Variants in CDC42BPA observed in about 807,000 individuals in gnomAD.
CDC42BPA encodes serine/threonine-protein kinase MRCK alpha.
A neutral mutation model predicts 223.5 loss-of-function variants in CDC42BPA; 80 were observed. The observed-to-expected ratio is 0.36, with a 90% CI of 0.30 to 0.43. The LOEUF (loss-of-function observed/expected upper bound fraction) is 0.43. Among genes scored for constraint, CDC42BPA ranks in the 20% least tolerant of loss-of-function variants. CDC42BPA has a pLI of 1.00. For synonymous variants in CDC42BPA, 694 were observed against 718.6 expected, an observed-to-expected ratio of 0.97 and a Z score of 0.55; for missense variants, 1,743 against 2,099.9, an observed-to-expected ratio of 0.83 and a Z score of 3.32.
intron 10 of CDC42BPA, among the ~76,000 whole-genome samples, chr1:227,135,043 C>A (rs113035642): frequency 6.6e-5 from 10 of 152,178 alleles, no homozygotes; most frequent in African/African-American, 2.4e-4. Context: ...GGAAGTGAGG[C>A]ATTCTGAGGT....
chr1:227,034,925 G>A (rs1669956882), intron 25 of CDC42BPA, 131 bp from the exon 26 acceptor site: 2 of 718,056 alleles, frequency 2.8e-6, no homozygotes, highest in African/African-American at 1.8e-5. Context: ...ATTCTGGTTG[G>A]TAAAGTAGCA....
intron 26 of CDC42BPA, among the ~76,000 whole-genome samples, chr1:227,034,244 A>G (rs1170396459): frequency 2.6e-5 from 4 of 152,238 alleles, no homozygotes; most frequent in Non-Finnish European, 5.9e-5. Flanking sequence ...AAATGAGACC[A>G]GAAGTGTTCA....
intron 32 of CDC42BPA, among the ~76,000 whole-genome samples, chr1:227,021,003 A>G (rs1048527322): frequency 2.6e-5 from 4 of 152,186 alleles, no homozygotes; most frequent in Non-Finnish European, 5.9e-5. Context: ...ACCAGGGAAC[A>G]GCTGCTTGGT....
At chr1:227,169,819 C>T (rs1665774026) in intron 5 of CDC42BPA, among the ~76,000 whole-genome samples, 1 of 152,266 alleles carries the variant, frequency 6.6e-6, no homozygotes, top group Non-Finnish European at 1.5e-5. Flanking sequence ...GTGCTATGCT[C>T]AGATTTTTAG....
At chr1:227,230,882 G>A (rs1179125609) in intron 2 of CDC42BPA, among the ~76,000 whole-genome samples, 10 of 138,078 alleles carry the variant, frequency 7.2e-5, no homozygotes, top group East Asian at 6.6e-4. Flanking sequence ...GTGCAGTGGC[G>A]TGGTCTCGGC....
intron 35 of CDC42BPA, among the ~76,000 whole-genome samples, chr1:226,997,432 T>C (rs1485265250): frequency 6.6e-6 from 1 of 152,208 alleles, no homozygotes; most frequent in East Asian, 1.9e-4. Context: ...TGAAGGGTTT[T>C]TCGTGTCTCT....
intron 6 of CDC42BPA, among the ~76,000 whole-genome samples, chr1:227,155,846 G>A (rs1662651930): frequency 6.6e-6 from 1 of 152,176 alleles, no homozygotes; most frequent in South Asian, 2.1e-4. Context: ...TACATTGGGA[G>A]GATAGAGAGG....
chr1:227,306,978 T>C (rs548279222), intron 1 of CDC42BPA, among the ~76,000 whole-genome samples: 3 of 152,216 alleles, frequency 2.0e-5, no homozygotes, highest in Non-Finnish European at 4.4e-5. Flanking sequence ...TATACTGCTT[T>C]TACAAAACTT....
At chr1:227,038,315 A>T (rs559390119) in intron 24 of CDC42BPA, among the ~76,000 whole-genome samples, 55 of 152,194 alleles carry the variant, frequency 3.6e-4, no homozygotes, top group Non-Finnish European at 6.2e-4. Flanking sequence ...AACTGAGTCA[A>T]TTAAACCTCT....
chr1:227,054,919 A>C (rs946841870), intron 21 of CDC42BPA, among the ~76,000 whole-genome samples: 7 of 152,030 alleles, frequency 4.6e-5, no homozygotes, highest in Admixed American at 4.6e-4. Context: ...GAGTTTAAAC[A>C]AAATCAAGTA....
intron 2 of CDC42BPA, among the ~76,000 whole-genome samples, chr1:227,241,041 G>A (rs1489791533): frequency 6.6e-6 from 1 of 151,942 alleles, no homozygotes; most frequent in Non-Finnish European, 1.5e-5. Flanking sequence ...TAAAGACTGA[G>A]CAAAAAATTT....
In CDC42BPA at chr1:227,120,330, G is replaced by A. The variant is rs16847143; in HGVS notation, c.1514-393C>T. On this transcript the variant is annotated intron_variant, in intron 11 of 36. Transcript: ENST00000366766. ...TGTTAGTCAAATTACCGTGTAAGAC[G>A]GTTTTGATTCTAACAGGGTGGTTCC... 2.7e-3 allele frequency among the ~76,000 whole-genome samples: 410 copies of A among 152,240 alleles called. 12 individuals are homozygous for A. The East Asian group carries it at 0.051, about 19-fold the overall frequency.
In CDC42BPA at chr1:227,112,832, G is replaced by C; in HGVS notation, c.1729C>G (p.Gln577Glu). 6.2e-7 allele frequency: 1 copy of C among 1,613,954 alleles called. No homozygotes were observed. Among genetic ancestry groups the C allele is most frequent in the Non-Finnish European group, 8.5e-7 (1 of 1,179,910 alleles). ...CGCTCATTGATCTCCATGAATTCCT[G>C]CATGGCCAGTTTCCTCTGACAGTGT... is the stretch of plus-strand genomic sequence containing the variant. Reference protein sequence around the residue: ...DAHCQRKLAMQEFMEINERLT... With the variant: ...DAHCQRKLAMEEFMEINERLT... The change falls in exon 13 of 37, where the codon CAG (glutamine) becomes GAG (glutamate). Residue 577 changes from glutamine (Q) to glutamate (E), a missense_variant. Gln to Glu is a conservative substitution (Grantham distance 29). Around this residue, in one of 6 missense-constraint regions of CDC42BPA, gnomAD observed 464 missense variants for 488.0 expected, o/e 0.95. Coordinates refer to ENST00000366766, the MANE Select transcript of CDC42BPA (RefSeq NM_001394014.1).
intron 3 of CDC42BPA, among the ~76,000 whole-genome samples, chr1:227,211,316 G>T (rs189922842): frequency 6.6e-6 from 1 of 152,140 alleles, no homozygotes; most frequent in Admixed American, 6.5e-5. Flanking sequence ...CTATTAGTAG[G>T]AATGTAAATT....
At chr1:227,009,977 T>G (rs1329209300) in intron 34 of CDC42BPA, among the ~76,000 whole-genome samples, 1 of 152,222 alleles carries the variant, frequency 6.6e-6, no homozygotes, top group Non-Finnish European at 1.5e-5. Flanking sequence ...AAAATTGATC[T>G]ACTATTGTTG....
chr1:227,282,137 G>A (rs1348146694), intron 1 of CDC42BPA, among the ~76,000 whole-genome samples: 3 of 147,412 alleles, frequency 2.0e-5, no homozygotes, highest in African/African-American at 7.6e-5. Context: ...GTGGTGAGTC[G>A]AGATTGCGCC....
intron 29 of CDC42BPA, among the ~76,000 whole-genome samples, chr1:227,029,878 TA>T (rs1274427862): frequency 6.6e-6 from 1 of 152,146 alleles, no homozygotes; most frequent in African/African-American, 2.4e-5. Context: ...CTCATGCTTA[TA>T]ATCTCAGCAC....
chr1:227,127,921 T>G (rs754267099), intron 11 of CDC42BPA, among the ~76,000 whole-genome samples: 1 of 152,180 alleles, frequency 6.6e-6, no homozygotes, highest in Non-Finnish European at 1.5e-5. Context: ...TGGAGAGGCC[T>G]CACCATTCTC....
At chr1:227,267,317 G>T (rs1469185269) in intron 1 of CDC42BPA, among the ~76,000 whole-genome samples, 1 of 152,032 alleles carries the variant, frequency 6.6e-6, no homozygotes, top group Non-Finnish European at 1.5e-5. Flanking sequence ...ATCACTTTAG[G>T]AATCCAGTGA....
Sources: allele counts gnomAD v4.1 joint callset (sites outside exome capture counted in the v4.1 genomes callset), GRCh38; gene constraint gnomAD v4.1.1; regional missense constraint gnomAD v4.1.1; transcripts MANE v1.5; gene names NCBI Gene and HGNC (gene_info 2026-07-23, HGNC 2026-07-21).